The following CDKAL1 variants were observed in gnomAD, a reference collection of about 807,000 sequenced individuals.
CDKAL1 encodes threonylcarbamoyladenosine tRNA methylthiotransferase.
Under a neutral mutation model 68.2 loss-of-function variants are expected in CDKAL1, and 32 were observed. That is an observed-to-expected ratio of 0.47 (90% CI 0.35 to 0.63). The LOEUF is 0.63. Among genes scored for constraint, CDKAL1 ranks in the 30% least tolerant of loss-of-function variants. CDKAL1 has a pLI of 0.00. For synonymous variants in CDKAL1, 234 were observed against 244.3 expected, an observed-to-expected ratio of 0.96 and a Z score of 0.39; for missense variants, 606 against 696.7, an observed-to-expected ratio of 0.87 and a Z score of 1.47.
intron 9 of CDKAL1, among the ~76,000 whole-genome samples, chr6:20,922,207 C>A (rs1479147802): frequency 2.0e-5 from 3 of 152,188 alleles, no homozygotes; most frequent in Admixed American, 2.0e-4. Context: ...AAATCACTGC[C>A]CCATCAGCAT....
chr6:21,073,374 A>G (rs1157918980), intron 12 of CDKAL1, among the ~76,000 whole-genome samples: 1 of 152,176 alleles, frequency 6.6e-6, no homozygotes, highest in Admixed American at 6.5e-5. Context: ...GTATGGTAAG[A>G]GTATGTTTAT....
intron 5 of CDKAL1, among the ~76,000 whole-genome samples, chr6:20,654,462 A>G (rs936370784): frequency 4.0e-5 from 6 of 151,838 alleles, no homozygotes; most frequent in South Asian, 2.1e-4. Context: ...TTCTGGTTTA[A>G]AGTTTATTAA....
intron 15 of CDKAL1, among the ~76,000 whole-genome samples, chr6:21,230,285 C>T (rs982924369): frequency 9.9e-5 from 15 of 152,196 alleles, no homozygotes; most frequent in African/African-American, 3.1e-4. Context: ...CCTCAGCCTC[C>T]AGAGTAGCTG....
At position 21,100,218 on chromosome 6, in the gene CDKAL1, A is replaced by G. The variant is rs149815198; in HGVS notation, c.1237-8183A>G. Among the ~76,000 whole-genome samples the G allele has an allele frequency of 5.1e-4, 78 of 152,180 alleles. No individual in the cohort carries two copies. The East Asian group carries it at 0.015, about 29-fold the overall frequency. On this transcript the variant is annotated intron_variant, in intron 12 of 15. Coordinates refer to ENST00000274695, the MANE Select transcript of CDKAL1 (RefSeq NM_017774.3). Reference sequence around the variant, plus strand: ...GAAAAAAAAAAAGTATTTCCCACTGATATCTACTGTGATTTAAAATCAGCT... The same window carrying G: ...GAAAAAAAAAAAGTATTTCCCACTGGTATCTACTGTGATTTAAAATCAGCT...
rs369701917 is a variant in CDKAL1, at chr6:20,872,958, T to C, written c.742+26780T>C. Among the ~76,000 whole-genome samples, 36 of 152,242 alleles carry C rather than the reference T, an allele frequency of 2.4e-4. No homozygotes were observed. In the East Asian group the frequency reaches 5.2e-3, roughly 22 times the overall value. On this transcript the variant is annotated intron_variant, in intron 9 of 15. Transcript: ENST00000274695. ...TGGTTGAAAAGGGTTGTGTCGGTAATGGAACTAGAGATCAAAAAAGGAGCA... is the reference window on the plus strand; with the variant it reads ...TGGTTGAAAAGGGTTGTGTCGGTAACGGAACTAGAGATCAAAAAAGGAGCA...
intron 8 of CDKAL1, among the ~76,000 whole-genome samples, chr6:20,825,332 A>AC (rs35893096): frequency 0.31 from 46,914 of 151,902 alleles, 7,556 homozygotes; most frequent in East Asian, 0.53. Flanking sequence ...TGCCTTAGTA[A>AC]CCTGAAGTTT....
intron 13 of CDKAL1, among the ~76,000 whole-genome samples, chr6:21,183,978 G>T (rs987473235): frequency 2.0e-5 from 3 of 152,100 alleles, no homozygotes; most frequent in Non-Finnish European, 4.4e-5. Flanking sequence ...GGGGGTTGGA[G>T]GGGTAGGTTG....
chr6:21,033,351 C>T (rs970815867), intron 11 of CDKAL1, among the ~76,000 whole-genome samples: 1 of 152,104 alleles, frequency 6.6e-6, no homozygotes, highest in East Asian at 1.9e-4. Context: ...TCTTTTTTAA[C>T]TAGTGCTTGA....
intron 4 of CDKAL1, among the ~76,000 whole-genome samples, chr6:20,550,009 C>T (rs1003558550): frequency 4.6e-5 from 7 of 151,412 alleles, no homozygotes; most frequent in Non-Finnish European, 7.4e-5. Context: ...GACAGAGTCT[C>T]GCTTTGTTGC....
chr6:20,685,505 G>T (rs1562024689), intron 5 of CDKAL1, among the ~76,000 whole-genome samples: 1 of 152,088 alleles, frequency 6.6e-6, no homozygotes. Context: ...TGCCATGTAA[G>T]CTTTCTAATC....
chr6:21,083,428 T>C (rs571915908), intron 12 of CDKAL1, among the ~76,000 whole-genome samples: 185 of 152,282 alleles, frequency 1.2e-3, no homozygotes, highest in Non-Finnish European at 2.2e-3. Context: ...CTACATTTGC[T>C]TTCTCTTTCT....
At chr6:20,972,687 A>C (rs1360974201) in intron 10 of CDKAL1, among the ~76,000 whole-genome samples, 1 of 152,202 alleles carries the variant, frequency 6.6e-6, no homozygotes, top group Non-Finnish European at 1.5e-5. Context: ...CCTTGGAATT[A>C]TGAAGCTTAT....
At chr6:20,543,239 C>A (rs1262309487) in intron 2 of CDKAL1, among the ~76,000 whole-genome samples, 1 of 152,140 alleles carries the variant, frequency 6.6e-6, no homozygotes, top group Non-Finnish European at 1.5e-5. Flanking sequence ...AAGAAAACAC[C>A]AAACTGTTTA....
At chr6:21,083,706 A>G (rs928088136) in intron 12 of CDKAL1, among the ~76,000 whole-genome samples, 1 of 152,204 alleles carries the variant, frequency 6.6e-6, no homozygotes, top group African/African-American at 2.4e-5. Flanking sequence ...GAGTCAGTCT[A>G]GGATCATGGC....
At chr6:20,777,794 T>TA (rs1775236506) in intron 7 of CDKAL1, among the ~76,000 whole-genome samples, 1 of 152,172 alleles carries the variant, frequency 6.6e-6, no homozygotes, top group Non-Finnish European at 1.5e-5. Flanking sequence ...TTCCCATACA[T>TA]ACATCCATAC....
At chr6:21,068,719 T>G (rs1297178655) in intron 12 of CDKAL1, among the ~76,000 whole-genome samples, 1 of 152,196 alleles carries the variant, frequency 6.6e-6, no homozygotes, top group Admixed American at 6.5e-5. Flanking sequence ...TTCCTTTGTT[T>G]TTGTAAATTT....
chr6:21,219,182 G>C (rs916258398), intron 15 of CDKAL1, among the ~76,000 whole-genome samples: 2 of 152,068 alleles, frequency 1.3e-5, no homozygotes, highest in African/African-American at 4.8e-5. Flanking sequence ...ATCTGTGGGG[G>C]ATTGGTTCCA....
chr6:21,208,524 C>T (rs1444614499), intron 15 of CDKAL1, among the ~76,000 whole-genome samples: 1 of 152,130 alleles, frequency 6.6e-6, no homozygotes, highest in African/African-American at 2.4e-5. Context: ...GTCAGCTAAC[C>T]GTGCTAGAAG....
At chr6:20,915,853 G>A (rs2150635488) in intron 9 of CDKAL1, among the ~76,000 whole-genome samples, 1 of 152,148 alleles carries the variant, frequency 6.6e-6, no homozygotes, top group East Asian at 1.9e-4. Context: ...TCCATACAGT[G>A]GAGTACTACT....
Sources: allele counts gnomAD v4.1 joint callset (sites outside exome capture counted in the v4.1 genomes callset), GRCh38; gene constraint gnomAD v4.1.1; transcripts MANE v1.5; gene names NCBI Gene and HGNC (gene_info 2026-07-23, HGNC 2026-07-21).